CEP131: variants seen among roughly 807,000 people sequenced by gnomAD.
CEP131 encodes the protein centrosomal protein of 131 kDa.
CEP131 carries 99 observed loss-of-function variants against 136.8 expected under a neutral mutation model. The ratio of observed to expected loss-of-function variants is 0.72; its 90% CI spans 0.62 to 0.86. CEP131 has a LOEUF of 0.86. CEP131 is among the 40% of genes least tolerant of loss of function. The pLI is 0.00. For missense variants in CEP131, 1,459 were observed against 1,463.0 expected (o/e 1.00, Z 0.04); for synonymous variants, 646 against 612.7 (o/e 1.05, Z -0.80).
At chr17:81,207,735 A>G (rs1055420207) in intron 3 of CEP131, among the ~76,000 whole-genome samples, 1 of 151,578 alleles carries the variant, frequency 6.6e-6, no homozygotes, top group Non-Finnish European at 1.5e-5. Context: ...TGCTGCTCAG[A>G]GCAGAAGGGG....
intron 21 of CEP131, 70 bp downstream of exon 21, chr17:81,192,248 G>T: frequency 3.4e-6 from 5 of 1,464,574 alleles, no homozygotes; most frequent in Non-Finnish European, 4.6e-6. Context: ...ACCCACCTGG[G>T]GCAGCCCCCA....
At chr17:81,196,618 C>CT in intron 15 of CEP131, 83 bp downstream of exon 15, 1 of 1,512,858 alleles carries the variant, frequency 6.6e-7, no homozygotes, top group Non-Finnish European at 8.8e-7. Context: ...AAGAAGCTCC[C>CT]TGGCAGTGGG....
intron 8 of CEP131, 37 bp downstream of exon 8, chr17:81,200,292 C>A: frequency 3.3e-6 from 5 of 1,527,198 alleles, no homozygotes; most frequent in Non-Finnish European, 2.7e-6. Flanking sequence ...CCAGACCCCC[C>A]GGGGGAGCAT....
At chr17:81,199,312 C>G in intron 10 of CEP131, 69 bp downstream of exon 10, 1 of 1,475,274 alleles carries the variant, frequency 6.8e-7, no homozygotes, top group Non-Finnish European at 9.0e-7. Context: ...AGGAGGTCCA[C>G]AAGGGCTGCA....
intron 2 of CEP131, among the ~76,000 whole-genome samples, chr17:81,217,900 TAGAGCCTGGCCATGCC>T (rs2062287129): frequency 6.6e-6 from 1 of 152,098 alleles, no homozygotes; most frequent in Admixed American, 6.5e-5. Context: ...CGGCCGCGGA[TAGAGCCTGGCCATGCC>T]GCCGAAAGAC....
At chr17:81,210,954 G>T (rs1012290109) in intron 2 of CEP131, among the ~76,000 whole-genome samples, 3 of 152,110 alleles carry the variant, frequency 2.0e-5, no homozygotes, top group Non-Finnish European at 4.4e-5. Context: ...AACAGAAAGT[G>T]CAGGCAGGGA....
At chr17:81,190,250 T>C (rs73354297) in intron 24 of CEP131, among the ~76,000 whole-genome samples, 21,506 of 152,176 alleles carry the variant, frequency 0.14, 2,275 homozygotes, top group African/African-American at 0.29. Context: ...CCTCTCAGCC[T>C]GTGGCAGCAG....
rs778586270 is a variant in CEP131, at chr17:81,189,813, C to A, written c.3199G>T (p.Glu1067Ter). Residue 1067 changes from glutamate to a stop codon, truncating the protein, a stop_gained, in exon 26 of 26, where the codon GAG becomes TAG. Coordinates refer to ENST00000450824, the MANE Select transcript of CEP131 (RefSeq NM_014984.4). LOFTEE classifies it low-confidence loss of function (END_TRUNC). ...AAVKRADHLE[E>*]LLEQHRRPTP... is the part of the protein sequence containing the mutation. ...GGCCTCCTGTGCTGCTCCAGCAGCTCCTCCAGGTGGTCGGCCCGCTTCACC... is the reference window on the plus strand; with the variant it reads ...GGCCTCCTGTGCTGCTCCAGCAGCTACTCCAGGTGGTCGGCCCGCTTCACC... 8.7e-6 allele frequency: 14 copies of A among 1,611,520 alleles called. No homozygotes were observed. Among genetic ancestry groups the A allele is most frequent in the African/African-American group, 6.7e-5 (5 of 74,906 alleles).
intron 16 of CEP131, 64 bp from the exon 17 acceptor site, chr17:81,195,036 T>C (rs774822556): frequency 2.2e-5 from 29 of 1,303,376 alleles, no homozygotes; most frequent in Non-Finnish European, 2.7e-5. Flanking sequence ...TGCCACCCTG[T>C]GGGCACAGTC....
intron 12 of CEP131, 113 bp downstream of exon 12, chr17:81,198,002 A>C: frequency 6.7e-7 from 1 of 1,493,474 alleles, no homozygotes; most frequent in Non-Finnish European, 8.9e-7. Context: ...TTGTGACTAA[A>C]GCCAGGAGGA....
intron 7 of CEP131, among the ~76,000 whole-genome samples, chr17:81,201,039 C>T (rs560610046): frequency 6.6e-6 from 1 of 152,240 alleles, no homozygotes; most frequent in East Asian, 1.9e-4. Flanking sequence ...ACAATGGGCA[C>T]CTTCTATTGT....
intron 17 of CEP131, among the ~76,000 whole-genome samples, chr17:81,194,406 C>T (rs564762198): frequency 3.3e-5 from 5 of 152,298 alleles, no homozygotes; most frequent in South Asian, 4.1e-4. Flanking sequence ...GTGTCCAGAG[C>T]GAGAGGACCA....
intron 7 of CEP131, among the ~76,000 whole-genome samples, chr17:81,201,993 C>T (rs924853658): frequency 3.3e-5 from 5 of 151,390 alleles, no homozygotes; most frequent in African/African-American, 4.9e-5. Flanking sequence ...CCCAGCTACT[C>T]GGGAGGCTGA....
intron 21 of CEP131, among the ~76,000 whole-genome samples, chr17:81,192,035 CA>C (rs1283210151): frequency 6.6e-6 from 1 of 152,064 alleles, no homozygotes; most frequent in African/African-American, 2.4e-5. Flanking sequence ...TCGTGGGGCG[CA>C]GGGGTGTAGC....
chr17:81,220,991 G>A (rs2062373936), intron 1 of CEP131, among the ~76,000 whole-genome samples: 1 of 151,894 alleles, frequency 6.6e-6, no homozygotes, highest in South Asian at 2.1e-4. Flanking sequence ...CGGGCGTGGT[G>A]GCGAGCGCCT....
intron 18 of CEP131, among the ~76,000 whole-genome samples, 188 bp downstream of exon 18, chr17:81,193,738 C>T (rs1292773538): frequency 6.6e-6 from 1 of 152,202 alleles, no homozygotes; most frequent in African/African-American, 2.4e-5. Flanking sequence ...AGACACAAGC[C>T]CGAGGACACT....
In CEP131 at chr17:81,208,085, C is replaced by CCA. The variant is rs994124663; in HGVS notation, c.272+841_272+842dup. On this transcript the variant is annotated intron_variant, in intron 3 of 25. Transcript: ENST00000450824. The surrounding 1 kb of genome is among the most constrained non-coding windows in gnomAD (Gnocchi z 5.6). ...TCACACCACACACCCACACACCACACCACACACACACACTTATGCCACACA... is the reference window on the plus strand; with the variant it reads ...TCACACCACACACCCACACACCACACCACACACACACACACTTATGCCACACA... 4.2e-5 allele frequency among the ~76,000 whole-genome samples: 6 copies of CCA among 142,636 alleles called. No individual in the cohort carries two copies. Among genetic ancestry groups the CCA allele is most frequent in the East Asian group, 2.1e-4 (1 of 4,770 alleles). 93.6% of individuals were successfully genotyped at this position (142,636 alleles called of 152,430 possible).
rs1429155733 is a variant in CEP131, at chr17:81,220,066, G to A, written c.-10C>T. On this transcript the variant is annotated 5_prime_UTR_variant, in exon 2 of 26. Coordinates refer to ENST00000450824, the MANE Select transcript of CEP131 (RefSeq NM_014984.4). ...CCCGGGTGCCTTTCATGGTGGACAA[G>A]GCAGGTCCTGAGCGGGGAAGCAAGA... 3.9e-6 allele frequency: 6 copies of A among 1,554,370 alleles called. No homozygotes were observed. In the African/African-American group the frequency reaches 8.3e-5, roughly 21 times the overall value.
In CEP131 at chr17:81,203,577, G is replaced by C; in HGVS notation, c.546C>G (p.Val182=). The C allele has an allele frequency of 1.2e-6, 2 of 1,604,396 alleles. No individual in the cohort carries two copies. Among genetic ancestry groups the C allele is most frequent in the Non-Finnish European group, 1.7e-6 (2 of 1,176,228 alleles). The stretch of plus-strand genomic sequence containing the variant: ...TGTAGCGGTTGTGCACCATGGTGGT[G>C]ACGCAGTTGCCCACTGCTCCCTTGT... ...RSNKGAVGNC[V]TTMVHNRYTP... is the part of the protein sequence containing the mutation. Residue 182 remains valine (V), a synonymous_variant, in exon 6 of 26, where the codon GTC becomes GTG. Coordinates refer to ENST00000450824, the MANE Select transcript of CEP131 (RefSeq NM_014984.4). The surrounding 1 kb of genome is among the most constrained non-coding windows in gnomAD (Gnocchi z 4.6).
Sources: allele counts gnomAD v4.1 joint callset (sites outside exome capture counted in the v4.1 genomes callset), GRCh38; gene constraint gnomAD v4.1.1; non-coding constraint Gnocchi (gnomAD v3.1); transcripts MANE v1.5; gene names NCBI Gene and HGNC (gene_info 2026-07-23, HGNC 2026-07-21).